Variants in CADM2 observed in about 807,000 individuals in gnomAD.
CADM2 encodes the protein immunoglobulin superfamily member 4D.
A neutral mutation model predicts 49.8 loss-of-function variants in CADM2; 12 were observed. The ratio of observed to expected loss-of-function variants is 0.24; its 90% CI spans 0.15 to 0.39. The LOEUF (loss-of-function observed/expected upper bound fraction) is 0.39. Among genes scored for constraint, CADM2 ranks in the 10% least tolerant of loss-of-function variants. The pLI is 1.00. For missense variants in CADM2, 378 were observed against 492.3 expected, an observed-to-expected ratio of 0.77 and a Z score of 2.20; for synonymous variants, 214 against 175.4, an observed-to-expected ratio of 1.22 and a Z score of -1.74.
chr3:85,666,704 T>C (rs2065578883), intron 1 of CADM2, among the ~76,000 whole-genome samples: 1 of 73,432 alleles, frequency 1.4e-5, no homozygotes, highest in South Asian at 5.4e-4. Context: ...TTGATTTTTC[T>C]TCCTTCGATA....
intron 1 of CADM2, among the ~76,000 whole-genome samples, chr3:85,488,342 C>T (rs2039516587): frequency 6.6e-6 from 1 of 152,048 alleles, no homozygotes; most frequent in African/African-American, 2.4e-5. Context: ...ATTTAAAAAT[C>T]TAGGTTACAG....
chr3:85,666,234 A>T (rs551253980), intron 1 of CADM2, among the ~76,000 whole-genome samples: 1 of 152,030 alleles, frequency 6.6e-6, no homozygotes, highest in Admixed American at 6.6e-5. Context: ...GTTGAAGGAA[A>T]TAAGATAGGA....
intron 1 of CADM2, among the ~76,000 whole-genome samples, chr3:85,203,690 G>A (rs1269545853): frequency 6.6e-6 from 1 of 152,212 alleles, no homozygotes; most frequent in Admixed American, 6.5e-5. Flanking sequence ...AAAAAGCCAT[G>A]CAGTATCTGC....
intron 1 of CADM2, among the ~76,000 whole-genome samples, chr3:85,558,706 A>G (rs994462778): frequency 1.3e-5 from 2 of 152,034 alleles, no homozygotes; most frequent in African/African-American, 4.8e-5. Context: ...TTCAGTTTGG[A>G]GAAATGTTAA....
intron 1 of CADM2, among the ~76,000 whole-genome samples, chr3:85,515,541 G>A (rs1314149005): frequency 1.3e-5 from 2 of 148,264 alleles, no homozygotes; most frequent in African/African-American, 5.0e-5. Context: ...TCCTGCCTCA[G>A]CCTCCCGAGT....
rs191252101 is a variant in CADM2, at chr3:85,607,088, C to G, written c.62-119434C>G. ...GATGAAAACATTAAAATTTATAGAG[C>G]TAGATAGCTTGCCCAACATCATAAA... is the stretch of plus-strand genomic sequence containing the variant. On this transcript the variant is annotated intron_variant, in intron 1 of 9. Transcript: ENST00000383699. Among the ~76,000 whole-genome samples the G allele has an allele frequency of 3.1e-3, 464 of 151,860 alleles. 4 individuals are homozygous for G. The highest frequency in any genetic ancestry group is 0.011 in the African/African-American group (451 of 41,414).
rs536421934 is a variant in CADM2 at position 85,280,022 on chromosome 3, T to G, written c.61+320354T>G. Reference sequence around the variant, plus strand: ...GTTTCTTTTGTTGTGCAGAGCTTTTTAATTTAATGTAGTCCCGCCTACATT... The same window carrying G: ...GTTTCTTTTGTTGTGCAGAGCTTTTGAATTTAATGTAGTCCCGCCTACATT... On this transcript the variant is annotated intron_variant, in intron 1 of 9. Transcript: ENST00000383699. 1.2e-4 allele frequency among the ~76,000 whole-genome samples: 18 copies of G among 151,868 alleles called. 1 individual carries two copies. The South Asian group carries it at 3.1e-3, about 26-fold the overall frequency.
chr3:85,749,363 T>C (rs2107853056), intron 2 of CADM2, among the ~76,000 whole-genome samples: 1 of 152,150 alleles, frequency 6.6e-6, no homozygotes, highest in African/African-American at 2.4e-5. Flanking sequence ...TATATGAGTT[T>C]CATTTTTATA....
intron 1 of CADM2, among the ~76,000 whole-genome samples, chr3:85,163,769 A>AG (rs1208709536): frequency 6.6e-6 from 1 of 152,108 alleles, no homozygotes; most frequent in Non-Finnish European, 1.5e-5. Context: ...ACCTTGATTG[A>AG]GATGTAATTC....
At chr3:86,032,887 A>T (rs1734717609) in intron 8 of CADM2, among the ~76,000 whole-genome samples, 4 of 151,668 alleles carry the variant, frequency 2.6e-5, no homozygotes, top group African/African-American at 9.7e-5. Context: ...TTCTCTACAG[A>T]TTTCTTTTCT....
At chr3:85,518,677 CCTGGCTTATGG>C (rs1576703531) in intron 1 of CADM2, among the ~76,000 whole-genome samples, 1 of 152,058 alleles carries the variant, frequency 6.6e-6, no homozygotes, top group Non-Finnish European at 1.5e-5. Flanking sequence ...GCTGGCATTC[CCTGGCTTATGG>C]CTGCATCACT....
chr3:84,972,570 A>C (rs2031528930), intron 1 of CADM2, among the ~76,000 whole-genome samples: 1 of 152,220 alleles, frequency 6.6e-6, no homozygotes, highest in Non-Finnish European at 1.5e-5. Flanking sequence ...AAATTAGGAA[A>C]TTGATTCCTT....
At chr3:85,745,930 A>G (rs2068601346) in intron 2 of CADM2, among the ~76,000 whole-genome samples, 1 of 152,002 alleles carries the variant, frequency 6.6e-6, no homozygotes, top group South Asian at 2.1e-4. Context: ...TTGTGTCAGA[A>G]TGAAAGCCTA....
intron 1 of CADM2, among the ~76,000 whole-genome samples, chr3:85,396,964 A>G (rs2034822346): frequency 6.6e-6 from 1 of 152,234 alleles, no homozygotes; most frequent in Non-Finnish European, 1.5e-5. Flanking sequence ...AAGCAGAATG[A>G]AAGTACAACC....
At chr3:85,148,390 C>A (rs892026179) in intron 1 of CADM2, among the ~76,000 whole-genome samples, 5 of 152,186 alleles carry the variant, frequency 3.3e-5, no homozygotes, top group African/African-American at 1.2e-4. Flanking sequence ...ATTAAAAAAT[C>A]TTTCCAGTTA....
chr3:85,743,878 A>G (rs977082792), intron 2 of CADM2, among the ~76,000 whole-genome samples: 6 of 152,152 alleles, frequency 3.9e-5, no homozygotes, highest in Non-Finnish European at 8.8e-5. Context: ...ATTTAAATAA[A>G]TATATATTTA....
intron 8 of CADM2, among the ~76,000 whole-genome samples, chr3:86,053,559 C>A (rs1737580411): frequency 6.6e-6 from 1 of 152,016 alleles, no homozygotes; most frequent in Non-Finnish European, 1.5e-5. Context: ...GAAAGTTGTT[C>A]ACAAGAACAT....
intron 1 of CADM2, among the ~76,000 whole-genome samples, chr3:85,618,048 A>G (rs899421566): frequency 5.2e-4 from 79 of 152,310 alleles, no homozygotes; most frequent in African/African-American, 1.8e-3. Flanking sequence ...TTAAACATAC[A>G]GTCATTCTTT....
At chr3:85,469,211 A>G in intron 1 of CADM2, among the ~76,000 whole-genome samples, 1 of 152,312 alleles carries the variant, frequency 6.6e-6, no homozygotes. Context: ...TCTTTTATAG[A>G]TATTTATTTA....
Sources: allele counts gnomAD v4.1 joint callset (sites outside exome capture counted in the v4.1 genomes callset), GRCh38; gene constraint gnomAD v4.1.1; transcripts MANE v1.5; gene names NCBI Gene and HGNC (gene_info 2026-07-23, HGNC 2026-07-21).